The following TRAPPC2B variants were observed in gnomAD, a reference collection of about 807,000 sequenced individuals.
TRAPPC2B encodes trafficking protein particle complex subunit 2B, also known as MBP-1 interacting protein-2A.
A neutral mutation model predicts 8.4 loss-of-function variants in TRAPPC2B; 5 were observed. That is an observed-to-expected ratio of 0.59 (90% CI 0.31 to 1.25). The LOEUF is 1.25. Ranked by LOEUF, TRAPPC2B falls within the 50% of genes most tolerant of loss-of-function variation. The pLI, the probability that TRAPPC2B is intolerant of heterozygous loss-of-function variation, is 0.06. For synonymous variants in TRAPPC2B, 46 were observed against 58.1 expected (o/e 0.79, Z 0.95); for missense variants, 161 against 173.2 (o/e 0.93, Z 0.40).
chr19:57,363,760 T>G (rs1310959847), intron 1 of TRAPPC2B, 57 bp downstream of exon 1: 1 of 146,310 alleles, frequency 6.8e-6, no homozygotes, highest in African/African-American at 2.5e-5. Flanking sequence ...CTTCCAGTGC[T>G]GAAGCCCATA....
intron 1 of TRAPPC2B, 157 bp downstream of exon 1, chr19:57,363,860 G>C (rs565270910): frequency 6.6e-6 from 1 of 152,494 alleles, no homozygotes; most frequent in South Asian, 2.1e-4. Context: ...TGCAGCCTCA[G>C]AGCTCCCTTC....
intron 1 of TRAPPC2B, 28 bp downstream of exon 1, chr19:57,363,731 C>T: frequency 6.6e-6 from 1 of 151,348 alleles, no homozygotes; most frequent in South Asian, 1.8e-4. Flanking sequence ...GGCCCCCCCC[C>T]ACCTCCGCCC....
rs1281574873 is a variant in TRAPPC2B, at chr19:57,365,024, T to C, written c.191T>C (p.Val64Ala). ...TCGAACAACATGTACTTGAAAACTGTGGACAAGTTCAACGAGTGGTTTGTG... is the reference window on the plus strand; with the variant it reads ...TCGAACAACATGTACTTGAAAACTGCGGACAAGTTCAACGAGTGGTTTGTG... ...WLSNNMYLKT[V>A]DKFNEWFVSA... The change falls in exon 2 of 2, where the codon GTG (valine) becomes GCG (alanine). Residue 64 changes from valine to alanine, a missense_variant. Transcript: ENST00000543226. 8 of 1,612,484 alleles carry C rather than the reference T, an allele frequency of 5.0e-6. No individual in the cohort carries two copies. The highest frequency in any genetic ancestry group is 1.3e-5 in the African/African-American group (1 of 75,038).
At position 57,365,066 on chromosome 19, in the gene TRAPPC2B, C is replaced by T. The variant is rs760866285; in HGVS notation, c.233C>T (p.Ala78Val). 26 of 1,610,648 alleles carry T rather than the reference C, an allele frequency of 1.6e-5. No homozygotes were observed. Among genetic ancestry groups the T allele is most frequent in the Non-Finnish European group, 2.2e-5 (26 of 1,177,330 alleles). The change falls in exon 2 of 2, where the codon GCG (alanine) becomes GTG (valine). Residue 78 changes from alanine to valine, a missense_variant. Transcript: ENST00000543226. ...NEWFVSAFVT[A>V]GHMRFIMLHD... The stretch of plus-strand genomic sequence containing the variant: ...TGGTTTGTGTCAGCATTTGTCACCG[C>T]GGGGCATATGAGGTTTATTATGCTT...
intron 1 of TRAPPC2B, 87 bp from the exon 2 acceptor site, chr19:57,364,728 G>T: frequency 1.1e-6 from 1 of 951,298 alleles, no homozygotes; most frequent in South Asian, 1.5e-5. Flanking sequence ...GCGACAGAGC[G>T]AGATTCCGTG....
At chr19:57,364,443 T>TCGGTGGTCGCCGGA in intron 1 of TRAPPC2B, 1 of 206,438 alleles carries the variant, frequency 4.8e-6, no homozygotes, top group South Asian at 8.0e-5. Flanking sequence ...GTGTAGATTC[T>TCGGTGGTCGCCGGA]TCAAAAGAAT....
In TRAPPC2B at chr19:57,364,962, T is replaced by C. The variant is rs776178365; in HGVS notation, c.129T>C (p.His43=). The C allele has an allele frequency of 8.1e-6, 13 of 1,613,150 alleles. No homozygotes were observed. The South Asian group carries it at 1.3e-4, about 16-fold the overall frequency. ...GTCATCTGAACCAGTTCATAGCTCATGCTGCTCTCGACCTCGTAGATGAGA... is the reference window on the plus strand; with the variant it reads ...GTCATCTGAACCAGTTCATAGCTCACGCTGCTCTCGACCTCGTAGATGAGA... ...DHRHLNQFIA[H]AALDLVDENM... is the part of the protein sequence containing the mutation. The change falls in exon 2 of 2, where the codon CAT becomes CAC. Residue 43 remains histidine (H), a synonymous_variant. Transcript: ENST00000543226.
chr19:57,364,353 T>G (rs2088446814), intron 1 of TRAPPC2B: 1 of 166,096 alleles, frequency 6.0e-6, no homozygotes, highest in Non-Finnish European at 1.3e-5. Flanking sequence ...GTTTGGCCAG[T>G]GTGATTCTCA....
At position 57,365,229 on chromosome 19, in the gene TRAPPC2B, T is replaced by C; in HGVS notation, c.396T>C (p.Phe132=). 2 of 1,577,766 alleles carry C rather than the reference T, an allele frequency of 1.3e-6. No homozygotes were observed. Among genetic ancestry groups the C allele is most frequent in the Non-Finnish European group, 1.7e-6 (2 of 1,160,574 alleles). Residue 132 remains phenylalanine, a synonymous_variant, in exon 2 of 2, where the codon TTT becomes TTC. Transcript: ENST00000543226. Reference sequence around the variant, plus strand: ...GTGCATTTGACAGAAAAGTTCAGTTTCTTGGGAAGAAACACCTTTTAAGCT... The same window carrying C: ...GTGCATTTGACAGAAAAGTTCAGTTCCTTGGGAAGAAACACCTTTTAAGCT... ...RSSAFDRKVQ[F]LGKKHLLS
At chr19:57,364,735 C>T in intron 1 of TRAPPC2B, 80 bp from the exon 2 acceptor site, 4 of 1,003,312 alleles carry the variant, frequency 4.0e-6, no homozygotes, top group East Asian at 2.6e-5. Context: ...AGCGAGATTC[C>T]GTGTCAAAAA....
At chr19:57,364,547 C>G (rs2088448675) in intron 1 of TRAPPC2B, 1 of 466,386 alleles carries the variant, frequency 2.1e-6, no homozygotes, top group Non-Finnish European at 3.9e-6. Flanking sequence ...TCAAGACCAG[C>G]CTGACCAACA....
chr19:57,364,709 C>G (rs140995184), intron 1 of TRAPPC2B, 106 bp from the exon 2 acceptor site: 13 of 832,484 alleles, frequency 1.6e-5, no homozygotes, highest in African/African-American at 1.4e-4. Flanking sequence ...CCATTGCACT[C>G]CAGCCTGGGC....
Position 57,365,132 on chromosome 19 carries a change from C to G in TRAPPC2B, c.299C>G (p.Thr100Ser). 1.2e-6 allele frequency: 2 copies of G among 1,605,422 alleles called. No individual in the cohort carries two copies. The highest frequency in any genetic ancestry group is 1.7e-6 in the Non-Finnish European group (2 of 1,173,852). The change falls in exon 2 of 2, where the codon ACT (threonine) becomes AGT (serine). Residue 100 changes from threonine to serine, a missense_variant. By Grantham distance (58) the Thr-to-Ser change is moderately conservative. Transcript: ENST00000543226. Reference sequence around the variant, plus strand: ...GAAGATGGAATAAAGAACTTCTTTACTGATGTTTATGATTTATATATAAAA... The same window carrying G: ...GAAGATGGAATAAAGAACTTCTTTAGTGATGTTTATGATTTATATATAAAA... ...RQEDGIKNFFTDVYDLYIKFS... is the reference protein window; with the variant it reads ...RQEDGIKNFFSDVYDLYIKFS...
At position 57,364,956 on chromosome 19, in the gene TRAPPC2B, A is replaced by C; in HGVS notation, c.123A>C (p.Ile41=). 1 of 1,613,158 alleles carries C rather than the reference A, an allele frequency of 6.2e-7. No individual in the cohort carries two copies. Among genetic ancestry groups the C allele is most frequent in the Non-Finnish European group, 8.5e-7 (1 of 1,179,232 alleles). The change falls in exon 2 of 2, where the codon ATA becomes ATC. Residue 41 remains isoleucine (I), a synonymous_variant. Coordinates refer to ENST00000543226, the MANE Select transcript of TRAPPC2B (RefSeq NM_001355204.2). ...ACCATCGTCATCTGAACCAGTTCATAGCTCATGCTGCTCTCGACCTCGTAG... is the reference window on the plus strand; with the variant it reads ...ACCATCGTCATCTGAACCAGTTCATCGCTCATGCTGCTCTCGACCTCGTAG... ...KDDHRHLNQF[I]AHAALDLVDE...
rs2088454333 is a variant in TRAPPC2B, at chr19:57,364,985, A to T, written c.152A>T (p.Glu51Val). The T allele has an allele frequency of 1.2e-6, 2 of 1,613,066 alleles. No homozygotes were observed. The highest frequency in any genetic ancestry group is 2.7e-5 in the African/African-American group (2 of 75,044). ...CATGCTGCTCTCGACCTCGTAGATG[A>T]GAACATGTGGCTGTCGAACAACATG... is the stretch of plus-strand genomic sequence containing the variant. ...IAHAALDLVD[E>V]NMWLSNNMYL... The change falls in exon 2 of 2, where the codon GAG (glutamate) becomes GTG (valine). Residue 51 changes from glutamate (E) to valine (V), a missense_variant. Transcript: ENST00000543226.
In TRAPPC2B at chr19:57,364,916, C is replaced by T; in HGVS notation, c.83C>T (p.Ala28Val). Residue 28 changes from alanine to valine, a missense_variant, in exon 2 of 2, where the codon GCA becomes GTA. Transcript: ENST00000543226. ...ATGGAGTTTTTGCCAGCTGGGAAGG[C>T]AGAATCCAAAGACGACCATCGTCAT... ...FEMEFLPAGKAESKDDHRHLN... is the reference protein window; with the variant it reads ...FEMEFLPAGKVESKDDHRHLN... The T allele has an allele frequency of 6.2e-7, 1 of 1,612,756 alleles. No individual in the cohort carries two copies.
rs1161249971 is a variant in TRAPPC2B, at chr19:57,365,142, T to C, written c.309T>C (p.Tyr103=). The change falls in exon 2 of 2, where the codon TAT becomes TAC. Residue 103 remains tyrosine (Y), a synonymous_variant. Coordinates refer to ENST00000543226, the MANE Select transcript of TRAPPC2B (RefSeq NM_001355204.2). The part of the protein sequence containing the change: ...DGIKNFFTDV[Y]DLYIKFSMNP... ...TAAAGAACTTCTTTACTGATGTTTA[T>C]GATTTATATATAAAATTTTCAATGA... 3.7e-6 allele frequency: 6 copies of C among 1,601,582 alleles called. No individual in the cohort carries two copies. The African/African-American group carries it at 6.7e-5, about 18-fold the overall frequency.
Position 57,365,288 on chromosome 19 carries a change from C to A in TRAPPC2B, c.*32C>A. On this transcript the variant is annotated 3_prime_UTR_variant, in exon 2 of 2. Transcript: ENST00000543226. ...AAAATTCCAAAATAAATTATATCAC[C>A]ACAATGGTGTATACTCAGGAATGTG... is the stretch of plus-strand genomic sequence containing the variant. 1 of 1,386,702 alleles carries A rather than the reference C, an allele frequency of 7.2e-7. No homozygotes were observed. Among genetic ancestry groups the A allele is most frequent in the Non-Finnish European group, 1.0e-6 (1 of 997,968 alleles). The allele number at this position is 1,386,702 out of a possible 1,614,324, so 85.9% of individuals were successfully genotyped here. A position where few individuals can be genotyped will look rare whatever the true frequency, so the allele number is the denominator to read the frequency against.
At position 57,364,677 on chromosome 19, in the gene TRAPPC2B, A is replaced by T. The variant is rs955786219; in HGVS notation, c.-19-138A>T. 67 of 654,114 alleles carry T rather than the reference A, an allele frequency of 1.0e-4. No individual in the cohort carries two copies. In the African/African-American group the frequency reaches 1.1e-3, roughly 11 times the overall value. The allele number at this position is 654,114 out of a possible 1,614,324, so 40.5% of individuals were successfully genotyped here. On this transcript the variant is annotated intron_variant, in intron 1 of 1. Transcript: ENST00000543226. ...AATTGCCTGAACCCAGGAGGTGGAG[A>T]TTGCAGTGAGCCAAGATCGCGCCAT... is the stretch of plus-strand genomic sequence containing the variant.
Sources: gnomAD v4.1 joint callset for allele counts on GRCh38, gnomAD v4.1.1 for gene constraint, MANE v1.5 for transcripts, NCBI Gene and HGNC (gene_info 2026-07-23, HGNC 2026-07-21) for gene names.